The following TMEM40 variants were observed in gnomAD, a reference collection of about 807,000 sequenced individuals.
TMEM40 encodes the protein transmembrane protein 40.
In TMEM40, 34 loss-of-function variants were observed where a neutral mutation model predicts 40.8. That is an observed-to-expected ratio of 0.83 (90% CI 0.63 to 1.11). TMEM40 has a LOEUF of 1.11. Ranked by LOEUF, TMEM40 falls within the 50% of genes least tolerant of loss-of-function variation. The pLI, the probability that TMEM40 is intolerant of heterozygous loss-of-function variation, is 0.00. For missense variants in TMEM40, 296 were observed against 280.2 expected (o/e 1.06, Z -0.40); for synonymous variants, 106 against 107.0 (o/e 0.99, Z 0.06).
chr3:12,760,227 C>G (rs2061559666), upstream of TMEM40, among the ~76,000 whole-genome samples: 1 of 152,162 alleles, frequency 6.6e-6, no homozygotes, highest in Non-Finnish European at 1.5e-5. Flanking sequence ...CCTGGCTATT[C>G]TCATCAGCCA....
chr3:12,737,852 A>G, intron 7 of TMEM40, 98 bp from the exon 8 acceptor site: 1 of 1,284,498 alleles, frequency 7.8e-7, no homozygotes. Context: ...TCCTGGGTAT[A>G]TCTTCCTGGG....
At chr3:12,738,026 G>T in intron 7 of TMEM40, 110 bp downstream of exon 7, 1 of 1,376,080 alleles carries the variant, frequency 7.3e-7, no homozygotes, top group South Asian at 1.2e-5. Flanking sequence ...ACTGGCTGGC[G>T]ACAGCATCCC....
intron 1 of TMEM40, among the ~76,000 whole-genome samples, chr3:12,757,989 C>T (rs578029920): frequency 6.6e-6 from 1 of 151,866 alleles, no homozygotes; most frequent in African/African-American, 2.4e-5. Context: ...ATAGGTGAGC[C>T]ATGGCGCCTG....
chr3:12,744,871 G>T (rs2061414643), intron 3 of TMEM40, among the ~76,000 whole-genome samples: 1 of 152,226 alleles, frequency 6.6e-6, no homozygotes, highest in Admixed American at 6.5e-5. Context: ...GGATAAGGAG[G>T]AAGAGGGATT....
intron 1 of TMEM40, among the ~76,000 whole-genome samples, chr3:12,756,824 T>G (rs186448214): frequency 3.0e-4 from 45 of 151,614 alleles, no homozygotes; most frequent in Non-Finnish European, 5.9e-4. Flanking sequence ...ACACACACAC[T>G]CTGTCTCTCA....
chr3:12,744,260 A>G (rs2061408920), intron 3 of TMEM40, among the ~76,000 whole-genome samples: 1 of 152,106 alleles, frequency 6.6e-6, no homozygotes, highest in South Asian at 2.1e-4. Context: ...AAGATAAGAT[A>G]AGGTCCCATG....
rs569143436 is a variant in TMEM40, at chr3:12,743,899, C to T, written c.301+1G>A. On this transcript the variant is annotated splice_donor_variant, in intron 4 of 11. Coordinates refer to ENST00000314124, the MANE Select transcript of TMEM40 (RefSeq NM_018306.4). LOFTEE classifies it high-confidence loss of function. ...GAAAAATGGTAAGGCCTATTTCCTA[C>T]CGGGTGAGCCGTTCCCGTGGGGGTA... 1 of 1,612,850 alleles carries T rather than the reference C, an allele frequency of 6.2e-7. No individual in the cohort carries two copies. The highest frequency in any genetic ancestry group is 8.5e-7 in the Non-Finnish European group (1 of 1,179,546).
At chr3:12,742,289 G>A (rs959699866) in intron 5 of TMEM40, among the ~76,000 whole-genome samples, 165 bp downstream of exon 5, 17 of 152,084 alleles carry the variant, frequency 1.1e-4, no homozygotes, top group Non-Finnish European at 2.2e-4. Flanking sequence ...TCTCATGCCC[G>A]CCTCCCCACC....
At chr3:12,743,645 AT>A in intron 4 of TMEM40, among the ~76,000 whole-genome samples, 1 of 152,218 alleles carries the variant, frequency 6.6e-6, no homozygotes, top group South Asian at 2.1e-4. Context: ...ATATGTCTGA[AT>A]TTTTATAAAG....
chr3:12,738,591 G>C lies in TMEM40; in HGVS notation c.356-3C>G. 2 of 1,613,960 alleles carry C rather than the reference G, an allele frequency of 1.2e-6. No individual in the cohort carries two copies. Among genetic ancestry groups the C allele is most frequent in the South Asian group, 2.2e-5 (2 of 91,084 alleles). On this transcript the variant is annotated splice_polypyrimidine_tract_variant and splice_region_variant and intron_variant, in intron 5 of 11. Coordinates refer to ENST00000314124, the MANE Select transcript of TMEM40 (RefSeq NM_018306.4). Reference sequence around the variant, plus strand: ...GGGTACCACCTCTCCAGGAGCATCTGCACAGAAAGGAAATCAGTGATCATA... The same window carrying C: ...GGGTACCACCTCTCCAGGAGCATCTCCACAGAAAGGAAATCAGTGATCATA...
chr3:12,738,212 G>A (rs772654734), intron 6 of TMEM40, 44 bp from the exon 7 acceptor site: 2 of 1,610,558 alleles, frequency 1.2e-6, no homozygotes, highest in East Asian at 4.5e-5. Flanking sequence ...CCCGCTTGGG[G>A]TCCTTAACAG....
intron 7 of TMEM40, 52 bp downstream of exon 7, chr3:12,738,084 C>A (rs1362430986): frequency 3.7e-6 from 6 of 1,608,676 alleles, no homozygotes; most frequent in Non-Finnish European, 4.2e-6. Context: ...CCCAACCCAT[C>A]GTCTGGAATC....
chr3:12,749,030 TTC>T (rs1207426708), intron 2 of TMEM40, among the ~76,000 whole-genome samples: 1 of 151,066 alleles, frequency 6.6e-6, no homozygotes, highest in Non-Finnish European at 1.5e-5. Context: ...AGGGGTTTCT[TTC>T]TTTTTTTTTT....
At chr3:12,747,361 G>A (rs889946439) in intron 3 of TMEM40, among the ~76,000 whole-genome samples, 5 of 152,154 alleles carry the variant, frequency 3.3e-5, no homozygotes, top group African/African-American at 1.2e-4. Flanking sequence ...CTTAGAGCAG[G>A]TCAGTTGCCC....
At chr3:12,759,842 G>C (rs2061556903), upstream of TMEM40, among the ~76,000 whole-genome samples, 1 of 152,142 alleles carries the variant, frequency 6.6e-6, no homozygotes, top group South Asian at 2.1e-4. Flanking sequence ...GAGGAGCAGT[G>C]TCAGACCTCA....
chr3:12,761,127 G>A (rs2061565934), upstream of TMEM40, among the ~76,000 whole-genome samples: 1 of 152,214 alleles, frequency 6.6e-6, no homozygotes, highest in African/African-American at 2.4e-5. Context: ...CCATGTGTGA[G>A]GGCTTAGAGG....
intron 1 of TMEM40, among the ~76,000 whole-genome samples, chr3:12,765,791 G>A (rs778282633): frequency 2.6e-5 from 4 of 151,894 alleles, no homozygotes; most frequent in African/African-American, 4.8e-5. Flanking sequence ...GAATGGTCTC[G>A]ATCTCCTGAC....
At chr3:12,735,528 T>C (rs1310749949) in intron 11 of TMEM40, 27 bp downstream of exon 11, 2 of 1,608,346 alleles carry the variant, frequency 1.2e-6, no homozygotes, top group South Asian at 2.2e-5. Flanking sequence ...AGAAAATGAG[T>C]GAACACAGGA....
At chr3:12,769,115 TA>T in intron 1 of TMEM40, 1 of 233,176 alleles carries the variant, frequency 4.3e-6, no homozygotes, top group South Asian at 3.0e-5. Flanking sequence ...TCCCGGGTGC[TA>T]AGCCCCTCAC....
Sources: gnomAD v4.1 joint callset for allele counts (sites outside exome capture counted in the v4.1 genomes callset) on GRCh38, gnomAD v4.1.1 for gene constraint, MANE v1.5 for transcripts, NCBI Gene and HGNC (gene_info 2026-07-23, HGNC 2026-07-21) for gene names.